The following VPS37C variants were observed in gnomAD, a reference collection of about 807,000 sequenced individuals.
The protein encoded by VPS37C is VPS37C subunit of ESCRT-I.
In VPS37C, 9 loss-of-function variants were observed where a neutral mutation model predicts 16.1. The ratio of observed to expected loss-of-function variants is 0.56; its 90% CI spans 0.34 to 0.97. The LOEUF (loss-of-function observed/expected upper bound fraction) is 0.97. VPS37C is among the 50% of genes least tolerant of loss of function. The pLI, the probability that VPS37C is intolerant of heterozygous loss-of-function variation, is 0.02. For missense variants in VPS37C, 479 were observed against 472.7 expected (o/e 1.01, Z -0.12); for synonymous variants, 207 against 206.4 (o/e 1.00, Z -0.02).
intron 2 of VPS37C, 73 bp from the exon 3 acceptor site, chr11:61,134,280 G>A (rs911997932): frequency 1.3e-6 from 2 of 1,518,606 alleles, no homozygotes; most frequent in East Asian, 4.6e-5. Flanking sequence ...TGGGTCAGGG[G>A]CTTCGGGGAC....
At chr11:61,154,386 A>T (rs1361697110) in intron 1 of VPS37C, among the ~76,000 whole-genome samples, 1 of 152,200 alleles carries the variant, frequency 6.6e-6, no homozygotes, top group Non-Finnish European at 1.5e-5. Flanking sequence ...TATTTAAAAG[A>T]CCCAAATCAA....
At chr11:61,134,471 A>T (rs947866108) in intron 2 of VPS37C, among the ~76,000 whole-genome samples, 1 of 152,204 alleles carries the variant, frequency 6.6e-6, no homozygotes, top group African/African-American at 2.4e-5. Context: ...AGCTCGCCCA[A>T]GGCCATGTGA....
chr11:61,154,053 C>G (rs1174678019), intron 1 of VPS37C, among the ~76,000 whole-genome samples: 3 of 152,226 alleles, frequency 2.0e-5, no homozygotes, highest in African/African-American at 7.2e-5. Context: ...AACTAACAAA[C>G]CTTGAGAGCA....
intron 1 of VPS37C, among the ~76,000 whole-genome samples, chr11:61,148,030 A>C (rs1222339868): frequency 6.6e-6 from 1 of 152,202 alleles, no homozygotes; most frequent in Non-Finnish European, 1.5e-5. Flanking sequence ...GGCTCAGATA[A>C]GCGAACAGCC....
In VPS37C at chr11:61,130,460, C is replaced by T. The variant is rs1861232894; in HGVS notation, c.*1360G>A. On this transcript the variant is annotated 3_prime_UTR_variant, in exon 5 of 5. Coordinates refer to ENST00000301765, the MANE Select transcript of VPS37C (RefSeq NM_017966.5). ...GGCACATAGGCCGGGGAGGGGCAGG[C>T]ACCAGAAGGTCAAGGTCCCTCCTTG... The T allele has an allele frequency of 5.4e-6, 1 of 185,362 alleles. No individual in the cohort carries two copies. Among genetic ancestry groups the T allele is most frequent in the South Asian group, 9.3e-5 (1 of 10,740 alleles). The allele number at this position is 185,362 out of a possible 1,614,324, so 11.5% of individuals were successfully genotyped here. A position where few individuals can be genotyped will look rare whatever the true frequency, so the allele number is the denominator to read the frequency against.
intron 1 of VPS37C, among the ~76,000 whole-genome samples, chr11:61,145,749 G>T (rs1035363295): frequency 6.6e-6 from 1 of 152,200 alleles, no homozygotes; most frequent in Admixed American, 6.5e-5. Context: ...TTCTCAGAGT[G>T]ACCCCAGCCA....
intron 1 of VPS37C, among the ~76,000 whole-genome samples, chr11:61,151,215 G>A (rs939848718): frequency 9.9e-5 from 15 of 152,174 alleles, no homozygotes; most frequent in African/African-American, 3.1e-4. Context: ...AATGGTCATC[G>A]GTACGGATAT....
At chr11:61,141,471 G>A (rs1284411323) in intron 1 of VPS37C, among the ~76,000 whole-genome samples, 1 of 151,938 alleles carries the variant, frequency 6.6e-6, no homozygotes, top group Non-Finnish European at 1.5e-5. Context: ...GAGGAACACT[G>A]GCAGCACACC....
chr11:61,141,480 C>T (rs1861471899), intron 1 of VPS37C, among the ~76,000 whole-genome samples: 1 of 152,048 alleles, frequency 6.6e-6, no homozygotes, highest in African/African-American at 2.4e-5. Flanking sequence ...TGGCAGCACA[C>T]CCCAAATCCA....
chr11:61,151,525 G>A (rs1336631754), intron 1 of VPS37C, among the ~76,000 whole-genome samples: 1 of 152,194 alleles, frequency 6.6e-6, no homozygotes, highest in African/African-American at 2.4e-5. Context: ...CTGTGCCTCA[G>A]TGTCTTCTAT....
At chr11:61,158,492 G>A (rs1378054794) in intron 1 of VPS37C, among the ~76,000 whole-genome samples, 1 of 152,224 alleles carries the variant, frequency 6.6e-6, no homozygotes, top group Non-Finnish European at 1.5e-5. Context: ...AAATTTAATA[G>A]AGAAGTATGT....
chr11:61,138,868 G>A (rs1590786577), intron 1 of VPS37C, 33 bp from the exon 2 acceptor site: 2 of 1,606,066 alleles, frequency 1.2e-6, no homozygotes, highest in Non-Finnish European at 1.7e-6. Context: ...GTAACGAACA[G>A]GCAGCCCAAG....
At chr11:61,143,398 G>A (rs1302243833) in intron 1 of VPS37C, 3 of 66,700 alleles carry the variant, frequency 4.5e-5, no homozygotes, top group Non-Finnish European at 8.2e-5. Context: ...TTTTTTTTTA[G>A]ATGGAGTCTT....
chr11:61,158,080 C>T (rs1022845033), intron 1 of VPS37C, among the ~76,000 whole-genome samples: 1 of 152,230 alleles, frequency 6.6e-6, no homozygotes, highest in African/African-American at 2.4e-5. Flanking sequence ...AAATGAATCT[C>T]TTTTCTTTAT....
chr11:61,152,546 C>T (rs1853313211), intron 1 of VPS37C, among the ~76,000 whole-genome samples: 1 of 152,164 alleles, frequency 6.6e-6, no homozygotes, highest in South Asian at 2.1e-4. Flanking sequence ...ACTATCAGAG[C>T]TCCCATGGCC....
intron 1 of VPS37C, among the ~76,000 whole-genome samples, chr11:61,156,075 T>C (rs1469711841): frequency 2.8e-5 from 4 of 141,788 alleles, no homozygotes; most frequent in Non-Finnish European, 4.6e-5. Context: ...CACTAAAAAG[T>C]GTTCGAATTA....
chr11:61,136,874 T>C (rs1013116798), intron 2 of VPS37C, among the ~76,000 whole-genome samples: 1 of 152,132 alleles, frequency 6.6e-6, no homozygotes, highest in East Asian at 1.9e-4. Flanking sequence ...CCAGGTGTGG[T>C]GGTGTGCACC....
chr11:61,154,012 T>C (rs1853343827), intron 1 of VPS37C, among the ~76,000 whole-genome samples: 4 of 152,230 alleles, frequency 2.6e-5, no homozygotes, highest in Non-Finnish European at 5.9e-5. Flanking sequence ...TGAGGAAAAA[T>C]CAGGCCTGGG....
chr11:61,138,885 G>A, intron 1 of VPS37C, 50 bp from the exon 2 acceptor site: 1 of 1,549,902 alleles, frequency 6.5e-7, no homozygotes, highest in South Asian at 1.1e-5. Context: ...CAAGACGAAG[G>A]GACCCCCGAG....
Sources: allele counts gnomAD v4.1 joint callset (sites outside exome capture counted in the v4.1 genomes callset), GRCh38; gene constraint gnomAD v4.1.1; transcripts MANE v1.5; gene names NCBI Gene and HGNC (gene_info 2026-07-23, HGNC 2026-07-21).